Variants in PDE1A observed in about 807,000 individuals in gnomAD.
PDE1A encodes the protein dual specificity calcium/calmodulin-dependent 3',5'-cyclic nucleotide phosphodiesterase 1A.
In PDE1A, 35 loss-of-function variants were observed where a neutral mutation model predicts 61.7. That is an observed-to-expected ratio of 0.57 (90% confidence interval 0.43 to 0.75). The LOEUF (loss-of-function observed/expected upper bound fraction) is 0.75. Ranked by LOEUF, PDE1A falls within the 30% of genes least tolerant of loss-of-function variation. The probability of loss-of-function intolerance (pLI) is 0.00; values close to 1 mark genes in which losing one functional copy is unlikely to be tolerated. For missense variants in PDE1A, 597 were observed against 630.6 expected, an observed-to-expected ratio of 0.95 and a Z score of 0.57; for synonymous variants, 232 against 213.2, an observed-to-expected ratio of 1.09 and a Z score of -0.77.
At chr2:182,276,986 G>A (rs1023767677) in intron 1 of PDE1A, among the ~76,000 whole-genome samples, 2 of 151,992 alleles carry the variant, frequency 1.3e-5, no homozygotes, top group Non-Finnish European at 2.9e-5. Context: ...GCTCTCGAAC[G>A]CTGTTTTCTG....
chr2:182,618,922 C>G, the PDE1A span, among the ~76,000 whole-genome samples: 1 of 151,732 alleles, frequency 6.6e-6, no homozygotes, highest in African/African-American at 2.4e-5. Flanking sequence ...GGATTATAGA[C>G]AGCATTAAAG....
chr2:182,532,973 A>AAAAAAAC, the PDE1A span, among the ~76,000 whole-genome samples: 2 of 148,326 alleles, frequency 1.3e-5, no homozygotes, highest in African/African-American at 5.0e-5. Context: ...AAAAAAAAAA[A>AAAAAAAC]CAATGAATTT....
intron 8 of PDE1A, 45 bp from the exon 9 acceptor site, chr2:182,201,834 G>A (rs1207296034): frequency 2.5e-6 from 3 of 1,205,736 alleles, no homozygotes; most frequent in Admixed American, 2.1e-5. Flanking sequence ...GCCATTTATT[G>A]TTCTGAAGTG....
the PDE1A span, among the ~76,000 whole-genome samples, chr2:182,642,591 C>A: frequency 6.6e-6 from 1 of 152,152 alleles, no homozygotes; most frequent in Admixed American, 6.5e-5. Flanking sequence ...CATAAATATG[C>A]AGCCAGGCCA....
At chr2:182,174,040 G>T (rs1307280260) in intron 13 of PDE1A, among the ~76,000 whole-genome samples, 1 of 152,008 alleles carries the variant, frequency 6.6e-6, no homozygotes, top group Non-Finnish European at 1.5e-5. Flanking sequence ...ATAAAAACAT[G>T]TGCTCAGAAA....
At chr2:182,699,696 A>ACTC in the PDE1A span, among the ~76,000 whole-genome samples, 2 of 152,204 alleles carry the variant, frequency 1.3e-5, no homozygotes, top group African/African-American at 4.8e-5. Flanking sequence ...CTGTAAAAAT[A>ACTC]TTTCTGTATA....
the PDE1A span, among the ~76,000 whole-genome samples, chr2:182,699,774 CT>C: frequency 6.6e-6 from 1 of 152,174 alleles, no homozygotes; most frequent in Non-Finnish European, 1.5e-5. Flanking sequence ...GTGTACCAGG[CT>C]TTTTAAAAAC....
rs116348393 is a variant in PDE1A, at chr2:182,370,608, G to A, written c.53+55970C>T. On this transcript the variant is annotated intron_variant, in intron 1 of 13. Coordinates refer to ENST00000351439, the Ensembl canonical transcript of PDE1A. ...AGAACCCAGAGAATGTGGCAAGACT[G>A]CTGTTGCTGGTGAGACTGCTGTTAG... is the stretch of plus-strand genomic sequence containing the variant. 2.7e-3 allele frequency among the ~76,000 whole-genome samples: 413 copies of A among 152,330 alleles called. 2 individuals are homozygous for A. Among genetic ancestry groups the A allele is most frequent in the African/African-American group, 9.3e-3 (386 of 41,578 alleles).
At chr2:182,522,429 G>T in intron 1 of PDE1A, 2 of 1,610,128 alleles carry the variant, frequency 1.2e-6, no homozygotes, top group Admixed American at 3.3e-5. Context: ...GCTAGAACAA[G>T]CATTCCTCAG....
chr2:182,284,003 T>C (rs1431106035), intron 1 of PDE1A, among the ~76,000 whole-genome samples: 1 of 152,094 alleles, frequency 6.6e-6, no homozygotes, highest in African/African-American at 2.4e-5. Context: ...ATCAAGTACA[T>C]ACCTTCTTTT....
intron 2 of PDE1A, among the ~76,000 whole-genome samples, chr2:182,458,527 T>C (rs1410973062): frequency 6.6e-6 from 1 of 151,096 alleles, no homozygotes; most frequent in Non-Finnish European, 1.5e-5. Flanking sequence ...ACCAGAGTGA[T>C]ATTTTATAGC....
At chr2:182,368,637 G>C (rs1376505977) in intron 1 of PDE1A, among the ~76,000 whole-genome samples, 3 of 151,856 alleles carry the variant, frequency 2.0e-5, no homozygotes, top group Non-Finnish European at 4.4e-5. Flanking sequence ...CTCTGTTGTT[G>C]AATCTAGAGC....
chr2:182,337,867 CTATGTCAAAA>C (rs1407334688), intron 1 of PDE1A, among the ~76,000 whole-genome samples: 2 of 152,088 alleles, frequency 1.3e-5, no homozygotes, highest in African/African-American at 4.8e-5. Flanking sequence ...TTAGTAATGT[CTATGTCAAAA>C]TATTAGACAC....
chr2:182,561,897 C>T, the PDE1A span, among the ~76,000 whole-genome samples: 1 of 152,048 alleles, frequency 6.6e-6, no homozygotes, highest in Non-Finnish European at 1.5e-5. Flanking sequence ...GATTTTTGTA[C>T]ATTGATTTTG....
chr2:182,375,032 G>A (rs887690568), intron 1 of PDE1A, among the ~76,000 whole-genome samples: 3 of 152,180 alleles, frequency 2.0e-5, no homozygotes, highest in Admixed American at 2.0e-4. Context: ...AGAACAGTAT[G>A]TGGGAAACTG....
At chr2:182,611,246 A>G in the PDE1A span, among the ~76,000 whole-genome samples, 1 of 152,186 alleles carries the variant, frequency 6.6e-6, no homozygotes. Context: ...AACATTCAGC[A>G]CCTGAGCCAC....
intron 3 of PDE1A, among the ~76,000 whole-genome samples, chr2:182,236,925 T>C (rs1690067185): frequency 6.6e-6 from 1 of 152,178 alleles, no homozygotes; most frequent in Non-Finnish European, 1.5e-5. Context: ...TCTAATTCTA[T>C]AATCAGGAAT....
rs141609644 is a variant in PDE1A at position 182,302,576 on chromosome 2, T to C, written c.54-38162A>G. On this transcript the variant is annotated intron_variant, in intron 1 of 13. Coordinates refer to ENST00000351439, the Ensembl canonical transcript of PDE1A. ...AAAGGGTTCTGCCTCTGTGTTGATGTCTGCTGACTAATCAGGGAGGTAGTT... is the reference window on the plus strand; with the variant it reads ...AAAGGGTTCTGCCTCTGTGTTGATGCCTGCTGACTAATCAGGGAGGTAGTT... Among the ~76,000 whole-genome samples the C allele has an allele frequency of 2.4e-4, 37 of 152,346 alleles. No homozygotes were observed. In the East Asian group the frequency reaches 5.4e-3, roughly 22 times the overall value.
intron 7 of PDE1A, among the ~76,000 whole-genome samples, chr2:182,213,780 A>G (rs1574727690): frequency 1.5e-5 from 1 of 68,798 alleles, no homozygotes; most frequent in Non-Finnish European, 3.1e-5. Flanking sequence ...AAAAGACCAA[A>G]TCTACGTCTG....
Sources: gnomAD v4.1 joint callset for allele counts (sites outside exome capture counted in the v4.1 genomes callset) on GRCh38, gnomAD v4.1.1 for gene constraint, MANE v1.5 for transcripts, NCBI Gene and HGNC (gene_info 2026-07-23, HGNC 2026-07-21) for gene names.